The following CAPN14 variants were observed in gnomAD, a reference collection of about 807,000 sequenced individuals.
CAPN14 encodes the protein calpain-14.
A neutral mutation model predicts 101.3 loss-of-function variants in CAPN14; 94 were observed. That is an observed-to-expected ratio of 0.93 (90% CI 0.79 to 1.10). CAPN14 has a LOEUF of 1.10. Ranked by LOEUF, CAPN14 falls within the 50% of genes least tolerant of loss-of-function variation. The pLI, the probability that CAPN14 is intolerant of heterozygous loss-of-function variation, is 0.00. For synonymous variants in CAPN14, 338 were observed against 317.9 expected (o/e 1.06, Z -0.67); for missense variants, 837 against 828.4 (o/e 1.01, Z -0.13).
chr2:31,179,063 T>C (rs1680456054), intron 17 of CAPN14, among the ~76,000 whole-genome samples: 1 of 138,138 alleles, frequency 7.2e-6, no homozygotes. Context: ...TTGAGTTCTA[T>C]ATATATATAT....
intron 6 of CAPN14, among the ~76,000 whole-genome samples, chr2:31,199,944 T>A (rs1443018947): frequency 1.3e-5 from 2 of 152,176 alleles, no homozygotes; most frequent in South Asian, 2.1e-4. Context: ...TCTCTGCACA[T>A]CATCTTCTTT....
At position 31,191,939 on chromosome 2, in the gene CAPN14, T is replaced by G; in HGVS notation, c.1274A>C (p.Tyr425Ser). Residue 425 changes from tyrosine to serine, a missense_variant, in exon 11 of 22, where the codon TAT (tyrosine) becomes TCT (serine). By Grantham distance (144) the Tyr-to-Ser change is moderately radical. Coordinates refer to ENST00000403897, the MANE Select transcript of CAPN14 (RefSeq NM_001145122.2). ...GTGGTTCAGAGGTCCACCTACCCTA[T>G]ACAGGTAGAAGCCAATGGCGAGGAG... ...KPLLAIGFYL[Y>S]RMNKYHDDQR... The G allele has an allele frequency of 1.3e-6, 2 of 1,549,656 alleles. No individual in the cohort carries two copies. Among genetic ancestry groups the G allele is most frequent in the Non-Finnish European group, 1.7e-6 (2 of 1,145,944 alleles).
At chr2:31,189,095 G>A (rs1003932528) in intron 13 of CAPN14, among the ~76,000 whole-genome samples, 178 bp downstream of exon 13, 1 of 152,148 alleles carries the variant, frequency 6.6e-6, no homozygotes, top group African/African-American at 2.4e-5. Context: ...GTGGAAGGAG[G>A]GTGGGAAGGA....
At chr2:31,185,432 T>A (rs1168769012) in intron 16 of CAPN14, among the ~76,000 whole-genome samples, 1 of 152,252 alleles carries the variant, frequency 6.6e-6, no homozygotes, top group East Asian at 1.9e-4. Context: ...GATTTATCCA[T>A]CTAGAACCCT....
At chr2:31,207,578 G>A (rs932920000) in intron 1 of CAPN14, among the ~76,000 whole-genome samples, 1 of 152,010 alleles carries the variant, frequency 6.6e-6, no homozygotes, top group African/African-American at 2.4e-5. Context: ...TACCAGCTGG[G>A]GCAACATGGC....
chr2:31,231,366 C>A (rs183424451), intron 1 of CAPN14, among the ~76,000 whole-genome samples: 1 of 152,210 alleles, frequency 6.6e-6, no homozygotes, highest in Non-Finnish European at 1.5e-5. Context: ...CACAATGGAA[C>A]ATGGCATGTC....
chr2:31,195,089 T>C (rs777206045), intron 8 of CAPN14, among the ~76,000 whole-genome samples: 2 of 151,876 alleles, frequency 1.3e-5, no homozygotes, highest in South Asian at 4.2e-4. Context: ...TCTGGCTGAG[T>C]GGAGGAGACA....
Position 31,189,355 on chromosome 2 carries a change from A to T in CAPN14, c.1411T>A (p.Tyr471Asn). 6.4e-7 allele frequency: 1 copy of T among 1,551,768 alleles called. No homozygotes were observed. Among genetic ancestry groups the T allele is most frequent in the Admixed American group, 2.0e-5 (1 of 51,014 alleles). The change falls in exon 13 of 22, where the codon TAC (tyrosine) becomes AAC (asparagine). Residue 471 changes from tyrosine (Y) to asparagine (N), a missense_variant. Coordinates refer to ENST00000403897, the MANE Select transcript of CAPN14 (RefSeq NM_001145122.2). ...TCCAATATGCAGGGCACGATGAGGTACGTCCCTGGTTCCAGACACAGCTCC... is the reference window on the plus strand; with the variant it reads ...TCCAATATGCAGGGCACGATGAGGTTCGTCCCTGGTTCCAGACACAGCTCC... ...SQELCLEPGT[Y>N]LIVPCILEAH...
chr2:31,210,918 G>A (rs1000514769), intron 1 of CAPN14, among the ~76,000 whole-genome samples: 2 of 152,084 alleles, frequency 1.3e-5, no homozygotes, highest in African/African-American at 4.8e-5. Flanking sequence ...GGAATTTCAT[G>A]TTATTTCTTC....
At chr2:31,229,244 C>T (rs532485606) in intron 1 of CAPN14, among the ~76,000 whole-genome samples, 2 of 152,172 alleles carry the variant, frequency 1.3e-5, no homozygotes, top group South Asian at 4.2e-4. Flanking sequence ...ATGTAAATTG[C>T]TGCTAATTTT....
At chr2:31,224,807 A>T (rs1393770507) in intron 2 of CAPN14, among the ~76,000 whole-genome samples, 1 of 152,064 alleles carries the variant, frequency 6.6e-6, no homozygotes, top group Non-Finnish European at 1.5e-5. Flanking sequence ...ATCTGAGAAT[A>T]ATCAAGGAAT....
intron 1 of CAPN14, among the ~76,000 whole-genome samples, chr2:31,217,108 C>T (rs2148703564): frequency 6.6e-6 from 1 of 152,218 alleles, no homozygotes; most frequent in African/African-American, 2.4e-5. Flanking sequence ...GAAATGACAG[C>T]ACCTAGCAGC....
rs1680979849 is a variant in CAPN14 at position 31,187,814 on chromosome 2, C to G, written c.1531G>C (p.Glu511Gln). 6.5e-7 allele frequency: 1 copy of G among 1,550,106 alleles called. No individual in the cohort carries two copies. The highest frequency in any genetic ancestry group is 8.7e-7 in the Non-Finnish European group (1 of 1,145,402). Reference sequence around the variant, plus strand: ...TGCCTTTCATTTTGGTCTTCTATCTCCTATAGGAAGAGACACACAGAAAGA... The same window carrying G: ...TGCCTTTCATTTTGGTCTTCTATCTGCTATAGGAAGAGACACACAGAAAGA... The part of the protein sequence containing the change: ...GSNSGVVFSK[E>Q]IEDQNERQDE... The change falls in exon 15 of 22, where the codon GAG becomes CAG. Residue 511 changes from glutamate to glutamine, a missense_variant and splice_region_variant. Glu to Gln is a conservative substitution (Grantham distance 29, BLOSUM62 2). Coordinates refer to ENST00000403897, the MANE Select transcript of CAPN14 (RefSeq NM_001145122.2).
At chr2:31,224,078 G>C (rs1455469938) in intron 2 of CAPN14, among the ~76,000 whole-genome samples, 1 of 152,136 alleles carries the variant, frequency 6.6e-6, no homozygotes, top group Non-Finnish European at 1.5e-5. Context: ...TCTTTAACAT[G>C]TGAATTCCGT....
At chr2:31,175,976 C>T (rs1165839848) in intron 21 of CAPN14, among the ~76,000 whole-genome samples, 2 of 152,154 alleles carry the variant, frequency 1.3e-5, no homozygotes, top group African/African-American at 2.4e-5. Context: ...TTGTATTCTC[C>T]TAGGCATATC....
chr2:31,219,878 AAGG>A (rs1167511714), upstream of CAPN14, among the ~76,000 whole-genome samples: 1 of 152,178 alleles, frequency 6.6e-6, no homozygotes, highest in Non-Finnish European at 1.5e-5. Flanking sequence ...CAAACATTCA[AAGG>A]AGGTCAAATG....
At chr2:31,218,323 T>A (rs1682745062), upstream of CAPN14, among the ~76,000 whole-genome samples, 1 of 143,484 alleles carries the variant, frequency 7.0e-6, no homozygotes, top group Non-Finnish European at 1.5e-5. Context: ...CTTGCCTGCC[T>A]CCACGCTTGC....
At chr2:31,197,451 G>C (rs1433844165) in intron 7 of CAPN14, 117 bp from the exon 8 acceptor site, 5 of 673,542 alleles carry the variant, frequency 7.4e-6, no homozygotes, top group Admixed American at 2.4e-5. Context: ...GCCCCAGAGA[G>C]AGCTGGTAGA....
At chr2:31,211,070 C>A (rs1345574510) in intron 1 of CAPN14, among the ~76,000 whole-genome samples, 1 of 152,026 alleles carries the variant, frequency 6.6e-6, no homozygotes, top group Non-Finnish European at 1.5e-5. Flanking sequence ...TCTAGAGGAA[C>A]ACCATACTTT....
Sources: gnomAD v4.1 joint callset for allele counts (sites outside exome capture counted in the v4.1 genomes callset) on GRCh38, gnomAD v4.1.1 for gene constraint, MANE v1.5 for transcripts, NCBI Gene and HGNC (gene_info 2026-07-23, HGNC 2026-07-21) for gene names.